Variants in STK25 observed in about 807,000 individuals in gnomAD.
STK25 encodes the protein serine/threonine kinase 25.
STK25 carries 29 observed loss-of-function variants against 53.8 expected under a neutral mutation model. That is an observed-to-expected ratio of 0.54 (90% CI 0.40 to 0.74). STK25 has a LOEUF of 0.74. Among genes scored for constraint, STK25 ranks in the 30% least tolerant of loss-of-function variants. STK25 has a pLI of 0.00. For missense variants in STK25, 420 were observed against 568.0 expected (o/e 0.74, Z 2.65); for synonymous variants, 247 against 238.3 (o/e 1.04, Z -0.33).
chr2:241,496,618 C>G lies in STK25; in HGVS notation c.1105-84G>C, dbSNP rs939857183. The G allele has an allele frequency of 6.7e-7, 1 of 1,500,396 alleles. No individual in the cohort carries two copies. Among genetic ancestry groups the G allele is most frequent in the Non-Finnish European group, 9.0e-7 (1 of 1,108,706 alleles). 92.9% of individuals were successfully genotyped at this position (1,500,396 alleles called of 1,614,324 possible). ...CTCCTTTGCTCGGCCACAGTGATGC[C>G]GGAGGCCTTCAGGGCTCTCGCCTAG... On this transcript the variant is annotated intron_variant, in intron 10 of 11. Coordinates refer to ENST00000316586, the MANE Select transcript of STK25 (RefSeq NM_001271977.2). The surrounding 1 kb of genome is among the most constrained non-coding windows in gnomAD (Gnocchi z 5.8).
chr2:241,497,416 C>T (rs1036657873), intron 10 of STK25, 200 bp downstream of exon 10: 15 of 583,220 alleles, frequency 2.6e-5, no homozygotes, highest in Non-Finnish European at 4.0e-5. Flanking sequence ...CCCAGAGAAC[C>T]TTGGCAGGTC....
chr2:241,500,329 C>A, intron 4 of STK25, 48 bp from the exon 5 acceptor site: 1 of 1,375,284 alleles, frequency 7.3e-7, no homozygotes. Context: ...GTCCCAGGCC[C>A]AATGCCTGAG....
chr2:241,498,236 T>A lies in STK25; in HGVS notation c.1031A>T (p.Lys344Met). The change falls in exon 9 of 12, where the codon AAG becomes ATG. Residue 344 changes from lysine to methionine, a missense_variant and splice_region_variant. Physicochemically the swap from Lys to Met is moderately conservative, Grantham distance 95. Coordinates refer to ENST00000316586, the MANE Select transcript of STK25 (RefSeq NM_001271977.2). ...GCAAAGGCCAGGCCAGGAACAGACC[T>A]TCTGTGAACTGTGCAGGGCCGTCCC... ...HKGTALHSSQ[K>M]PAEPVKRQPR... 1 of 1,613,158 alleles carries A rather than the reference T, an allele frequency of 6.2e-7. No homozygotes were observed.
chr2:241,507,209 G>C (rs1301074866), intron 2 of STK25, among the ~76,000 whole-genome samples: 2 of 152,184 alleles, frequency 1.3e-5, no homozygotes, highest in Admixed American at 6.5e-5. Context: ...TCAAAAAAGT[G>C]GGGAGGGGTA....
At chr2:241,504,217 C>A in intron 2 of STK25, 1 of 445,186 alleles carries the variant, frequency 2.2e-6, no homozygotes, top group Non-Finnish European at 4.6e-6. Flanking sequence ...AGCAGGCCAG[C>A]TGCAGTGTAC....
Position 241,500,919 on chromosome 2 carries a change from C to G in STK25, c.262-123G>C, listed in dbSNP as rs1474082887. ...CACCGGTCCCATCCCTGCCAAGAAC[C>G]CTGAACAGGAAAGGGCTCTCTCGGC... is the stretch of plus-strand genomic sequence containing the variant. On this transcript the variant is annotated intron_variant, in intron 3 of 11. Transcript: ENST00000316586. The G allele has an allele frequency of 6.6e-6, 6 of 902,460 alleles. No individual in the cohort carries two copies. In the East Asian group the frequency reaches 1.5e-4, roughly 23 times the overall value. 55.9% of individuals were successfully genotyped at this position (902,460 alleles called of 1,614,324 possible).
chr2:241,500,938 T>C (rs1574950111), intron 3 of STK25, 142 bp from the exon 4 acceptor site: 1 of 744,826 alleles, frequency 1.3e-6, no homozygotes, highest in East Asian at 2.7e-5. Context: ...GAAAGGGCTC[T>C]CTCGGCCTTG....
chr2:241,498,713 C>T lies in STK25; in HGVS notation c.843G>A (p.Thr281=), dbSNP rs755238652. Residue 281 remains threonine, a synonymous_variant, in exon 8 of 12, where the codon ACG becomes ACA. Coordinates refer to ENST00000316586, the MANE Select transcript of STK25 (RefSeq NM_001271977.2). ...TRYTKKTSFL[T]ELIDRYKRWK... ...AGCGCTTATAGCGGTCGATGAGCTCCGTGAGGAAGGAGGTCTTCTTGGTGT... is the reference window on the plus strand; with the variant it reads ...AGCGCTTATAGCGGTCGATGAGCTCTGTGAGGAAGGAGGTCTTCTTGGTGT... 1.9e-5 allele frequency: 30 copies of T among 1,614,134 alleles called. No homozygotes were observed. The highest frequency in any genetic ancestry group is 2.2e-5 in the East Asian group (1 of 44,884).
intron 5 of STK25, 117 bp downstream of exon 5, chr2:241,500,056 G>T: frequency 1.2e-6 from 1 of 830,262 alleles, no homozygotes. Flanking sequence ...TGGCCACAAG[G>T]TTCTCTATAC....
rs1171063175 is a variant in STK25 at position 241,496,466 on chromosome 2, G to A, written c.1173C>T (p.Ser391=). The A allele has an allele frequency of 1.9e-6, 3 of 1,613,620 alleles. 1 individual carries two copies. The highest frequency in any genetic ancestry group is 1.1e-5 in the South Asian group (1 of 91,066). ...TGCCGGGGCAGGACTCCTCGGCCAG[G>A]CTGAAGGCGTTCTCCAGCTCCTCCA... The part of the protein sequence containing the change: ...GALEELENAF[S]LAEESCPGIS... Residue 391 remains serine, a synonymous_variant, in exon 11 of 12, where the codon AGC becomes AGT. Transcript: ENST00000316586. This position sits in a 1 kb window ranked among gnomAD's most constrained non-coding sequence, Gnocchi z 5.8.
chr2:241,495,967 C>G (rs933901667), intron 11 of STK25, among the ~76,000 whole-genome samples: 1 of 152,250 alleles, frequency 6.6e-6, no homozygotes, highest in African/African-American at 2.4e-5. Flanking sequence ...CGGTTGGACC[C>G]TAAGTCCGTT....
rs967961225 is a variant in STK25, at chr2:241,496,284, G to A, written c.1241+114C>T. On this transcript the variant is annotated intron_variant, in intron 11 of 11. Coordinates refer to ENST00000316586, the MANE Select transcript of STK25 (RefSeq NM_001271977.2). The surrounding 1 kb of genome is among the most constrained non-coding windows in gnomAD (Gnocchi z 5.8). ...ACGCCGCGCCTTCCCAGAGTGAAGC[G>A]AGCCCATGTAGTGCCAAATGCAGCC... 18 of 1,312,884 alleles carry A rather than the reference G, an allele frequency of 1.4e-5. No individual in the cohort carries two copies. The highest frequency in any genetic ancestry group is 4.7e-5 in the East Asian group (2 of 43,008). The allele number at this position is 1,312,884 out of a possible 1,614,324, so 81.3% of individuals were successfully genotyped here. A position where few individuals can be genotyped will look rare whatever the true frequency, so the allele number is the denominator to read the frequency against.
chr2:241,503,982 T>G (rs1022951455), intron 2 of STK25: 20 of 469,282 alleles, frequency 4.3e-5, no homozygotes, highest in African/African-American at 4.0e-4. Context: ...GCCAATTAGC[T>G]GACCTCCCAG....
chr2:241,505,344 G>A lies in STK25; in HGVS notation c.30+2662C>T, dbSNP rs934290744. Among the ~76,000 whole-genome samples the A allele has an allele frequency of 4.6e-5, 7 of 152,026 alleles. 1 individual carries two copies. Among genetic ancestry groups the A allele is most frequent in the Admixed American group, 3.9e-4 (6 of 15,264 alleles). On this transcript the variant is annotated intron_variant, in intron 2 of 11. Coordinates refer to ENST00000316586, the MANE Select transcript of STK25 (RefSeq NM_001271977.2). ...TCAACCCAACCCTGCCCAAGCACCC[G>A]GAAAGACCCCAAGGGAGTCCTCCTG...
At chr2:241,506,452 G>T (rs34896814) in intron 2 of STK25, among the ~76,000 whole-genome samples, 1 of 152,184 alleles carries the variant, frequency 6.6e-6, no homozygotes, top group Non-Finnish European at 1.5e-5. Context: ...TGACCCAAAG[G>T]AGTTATTTCT....
At chr2:241,504,078 C>T (rs1219526560) in intron 2 of STK25, 1 of 471,168 alleles carries the variant, frequency 2.1e-6, no homozygotes, top group Admixed American at 2.3e-5. Context: ...GAGTGCCAGA[C>T]CTCGAGGTGA....
chr2:241,493,457 G>C lies in STK25; in HGVS notation c.*2205C>G. ...ACACATTTGAAAGGTAATTTTGCAG[G>C]AGGCAGCCCTGGTCAGCTGCCCATT... On this transcript the variant is annotated 3_prime_UTR_variant, in exon 12 of 12. Transcript: ENST00000316586. 2 of 1,613,210 alleles carry C rather than the reference G, an allele frequency of 1.2e-6. No homozygotes were observed. The highest frequency in any genetic ancestry group is 1.7e-6 in the Non-Finnish European group (2 of 1,179,598).
In STK25 at chr2:241,494,100, G is replaced by A. The variant is rs1349660265; in HGVS notation, c.*1562C>T. 4.7e-6 allele frequency: 7 copies of A among 1,474,684 alleles called. No individual in the cohort carries two copies. In the East Asian group the frequency reaches 8.1e-5, roughly 17 times the overall value. 91.3% of individuals were successfully genotyped at this position (1,474,684 alleles called of 1,614,324 possible). On this transcript the variant is annotated 3_prime_UTR_variant, in exon 12 of 12. Coordinates refer to ENST00000316586, the MANE Select transcript of STK25 (RefSeq NM_001271977.2). This position sits in a 1 kb window ranked among gnomAD's most constrained non-coding sequence, Gnocchi z 4.9. ...CCCCAACCCTCCTCAGGGCTGGAGGGGATGGTCAGGGGGAAGGAGGAATGA... is the reference window on the plus strand; with the variant it reads ...CCCCAACCCTCCTCAGGGCTGGAGGAGATGGTCAGGGGGAAGGAGGAATGA...
rs745383015 is a variant in STK25 at position 241,499,364 on chromosome 2, C to A, written c.478G>T (p.Gly160Trp). Reference sequence around the variant, plus strand: ...GTGTCTGTGAGCTGCCCTGCTACCCCAAAGTCCGCCAGCTTCACGTCACCC... The same window carrying A: ...GTGTCTGTGAGCTGCCCTGCTACCCAAAAGTCCGCCAGCTTCACGTCACCC... Reference protein sequence around the residue: ...EQGDVKLADFGVAGQLTDTQI... With the variant: ...EQGDVKLADFWVAGQLTDTQI... The change falls in exon 6 of 12, where the codon GGG becomes TGG. Residue 160 changes from glycine to tryptophan, a missense_variant. By Grantham distance (184) the Gly-to-Trp change is radical (BLOSUM62 -2). Transcript: ENST00000316586. 1 of 1,613,882 alleles carries A rather than the reference C, an allele frequency of 6.2e-7. No homozygotes were observed. Among genetic ancestry groups the A allele is most frequent in the Non-Finnish European group, 8.5e-7 (1 of 1,179,916 alleles).
Sources: gnomAD v4.1 joint callset for allele counts (sites outside exome capture counted in the v4.1 genomes callset) on GRCh38, gnomAD v4.1.1 for gene constraint, Gnocchi (gnomAD v3.1) non-coding constraint, MANE v1.5 for transcripts, NCBI Gene and HGNC (gene_info 2026-07-23, HGNC 2026-07-21) for gene names.